The following TMEM184B variants were observed in gnomAD, a reference collection of about 807,000 sequenced individuals.
The protein encoded by TMEM184B is putative MAPK-activating protein FM08.
TMEM184B carries 17 observed loss-of-function variants against 41.8 expected under a neutral mutation model. The observed-to-expected ratio is 0.41, with a 90% CI of 0.28 to 0.61. The LOEUF (loss-of-function observed/expected upper bound fraction) is 0.61. TMEM184B is among the 20% of genes least tolerant of loss of function. The pLI is 0.34. For synonymous variants in TMEM184B, 240 were observed against 229.5 expected (o/e 1.05, Z -0.41); for missense variants, 393 against 557.8 (o/e 0.70, Z 2.98).
chr22:38,227,836 G>A (rs943307202), intron 5 of TMEM184B, among the ~76,000 whole-genome samples: 2 of 152,186 alleles, frequency 1.3e-5, no homozygotes, highest in Non-Finnish European at 2.9e-5. Flanking sequence ...GCTGAGCCAC[G>A]GAAAGAGTTC....
At chr22:38,256,535 C>G (rs559436664) in intron 1 of TMEM184B, among the ~76,000 whole-genome samples, 220 of 152,220 alleles carry the variant, frequency 1.4e-3, no homozygotes, top group East Asian at 3.7e-3. Context: ...GGCCAACAAT[C>G]CTTATTGATT....
At chr22:38,258,943 T>C (rs1215310232) in intron 1 of TMEM184B, among the ~76,000 whole-genome samples, 2 of 152,148 alleles carry the variant, frequency 1.3e-5, no homozygotes, top group African/African-American at 4.8e-5. Context: ...TTTCTATGTT[T>C]ATTTTCAACT....
intron 3 of TMEM184B, among the ~76,000 whole-genome samples, chr22:38,234,537 G>A (rs761729886): frequency 6.6e-6 from 1 of 152,194 alleles, no homozygotes; most frequent in Non-Finnish European, 1.5e-5. Flanking sequence ...TTACACTAGT[G>A]TGTTTTGGCA....
At position 38,220,095 on chromosome 22, in the gene TMEM184B, T is replaced by C. The variant is rs2091218149; in HGVS notation, c.*1374A>G. The C allele has an allele frequency of 1.0e-6, 1 of 985,294 alleles. No individual in the cohort carries two copies. Among genetic ancestry groups the C allele is most frequent in the African/African-American group, 1.7e-5 (1 of 57,216 alleles). The allele number at this position is 985,294 out of a possible 1,614,324, so 61.0% of individuals were successfully genotyped here. ...CCAAACCCAGGGATAATCTGGGTTT[T>C]AAATGCCAGGACACTTTGCCTGTAG... On this transcript the variant is annotated 3_prime_UTR_variant, in exon 9 of 9. Transcript: ENST00000361906.
chr22:38,228,659 C>T (rs933632073), intron 5 of TMEM184B, among the ~76,000 whole-genome samples: 2 of 152,176 alleles, frequency 1.3e-5, no homozygotes, highest in African/African-American at 4.8e-5. Context: ...AGCACTGGCC[C>T]TGAGGAGTCA....
chr22:38,226,651 G>C lies in TMEM184B; in HGVS notation c.617+128C>G. On this transcript the variant is annotated intron_variant, in intron 6 of 8. Transcript: ENST00000361906. The surrounding 1 kb of genome is among the most constrained non-coding windows in gnomAD (Gnocchi z 4.6). ...ACTGCTGGGCTCAGACTTCAGGGGGGTTGTGAGCACCAGACACCCAGGAAG... is the reference window on the plus strand; with the variant it reads ...ACTGCTGGGCTCAGACTTCAGGGGGCTTGTGAGCACCAGACACCCAGGAAG... 3 of 921,858 alleles carry C rather than the reference G, an allele frequency of 3.3e-6. No homozygotes were observed. Among genetic ancestry groups the C allele is most frequent in the Non-Finnish European group, 5.0e-6 (3 of 605,070 alleles). The allele number at this position is 921,858 out of a possible 1,614,324, so 57.1% of individuals were successfully genotyped here.
downstream of TMEM184B, among the ~76,000 whole-genome samples, chr22:38,218,717 AGCAG>A (rs1450152198): frequency 6.6e-6 from 1 of 152,224 alleles, no homozygotes; most frequent in Non-Finnish European, 1.5e-5. Context: ...CGGGAAGGGC[AGCAG>A]GAAGCTGCGG....
rs117719677 is a variant in TMEM184B, at chr22:38,230,236, G to A, written c.525+433C>T. 9.9e-5 allele frequency among the ~76,000 whole-genome samples: 15 copies of A among 151,838 alleles called. No individual in the cohort carries two copies. The East Asian group carries it at 1.7e-3, about 17-fold the overall frequency. ...GGAAGTCAGCCCAGGAAGCTAGAGC[G>A]GCTGGATTGCCAACCAGGAAATGCA... On this transcript the variant is annotated intron_variant, in intron 5 of 8. Coordinates refer to ENST00000361906, the MANE Select transcript of TMEM184B (RefSeq NM_012264.5).
At chr22:38,229,399 G>A (rs979072558) in intron 5 of TMEM184B, among the ~76,000 whole-genome samples, 3 of 152,356 alleles carry the variant, frequency 2.0e-5, no homozygotes, top group African/African-American at 4.8e-5. Flanking sequence ...ACCATCTCTA[G>A]AGAGGAGTAT....
intron 3 of TMEM184B, among the ~76,000 whole-genome samples, chr22:38,244,905 G>A (rs2091990109): frequency 6.6e-6 from 1 of 152,234 alleles, no homozygotes; most frequent in Non-Finnish European, 1.5e-5. Context: ...CAGCATCCTG[G>A]TCTCCTTGTG....
chr22:38,270,232 C>T (rs78421714), intron 1 of TMEM184B, among the ~76,000 whole-genome samples: 216 of 152,330 alleles, frequency 1.4e-3, no homozygotes, highest in African/African-American at 5.0e-3. Flanking sequence ...AGGGCCAAGA[C>T]GACTTCCAGC....
Position 38,226,972 on chromosome 22 carries a change from G to C in TMEM184B, c.526-102C>G, listed in dbSNP as rs2091459861. 1.7e-6 allele frequency: 2 copies of C among 1,189,340 alleles called. No individual in the cohort carries two copies. Among genetic ancestry groups the C allele is most frequent in the Admixed American group, 2.0e-5 (1 of 48,790 alleles). The allele number at this position is 1,189,340 out of a possible 1,614,324, so 73.7% of individuals were successfully genotyped here. A position where few individuals can be genotyped will look rare whatever the true frequency, so the allele number is the denominator to read the frequency against. On this transcript the variant is annotated intron_variant, in intron 5 of 8. Transcript: ENST00000361906. The surrounding 1 kb of genome is among the most constrained non-coding windows in gnomAD (Gnocchi z 4.6). ...GAACTGTACCGGATGGAGGGACAGA[G>C]AGGATGAAGGAGACGGAGAGGACGG...
At position 38,271,709 on chromosome 22, in the gene TMEM184B, C is replaced by T. The variant is rs565377402; in HGVS notation, c.-59+1175G>A. 7.2e-5 allele frequency among the ~76,000 whole-genome samples: 11 copies of T among 152,316 alleles called. No homozygotes were observed. The East Asian group carries it at 1.7e-3, about 24-fold the overall frequency. On this transcript the variant is annotated intron_variant, in intron 1 of 8. Transcript: ENST00000361906. Reference sequence around the variant, plus strand: ...CTTGAGAGCTCCTTGATGGCTTGGGCATCAAATGTTTCTGTCCAGGTGGGC... The same window carrying T: ...CTTGAGAGCTCCTTGATGGCTTGGGTATCAAATGTTTCTGTCCAGGTGGGC...
At chr22:38,252,062 A>ATTT in intron 1 of TMEM184B, among the ~76,000 whole-genome samples, 1 of 142,940 alleles carries the variant, frequency 7.0e-6, no homozygotes, top group African/African-American at 2.6e-5. Context: ...TGTCCAACAA[A>ATTT]TTTTTTTTTT....
intron 3 of TMEM184B, among the ~76,000 whole-genome samples, chr22:38,233,584 A>G (rs2091692055): frequency 6.6e-6 from 1 of 152,184 alleles, no homozygotes; most frequent in Non-Finnish European, 1.5e-5. Context: ...ACCAATCTCC[A>G]GATGACTCTT....
chr22:38,260,030 G>A (rs930974213), intron 1 of TMEM184B, among the ~76,000 whole-genome samples: 7 of 137,330 alleles, frequency 5.1e-5, no homozygotes, highest in East Asian at 2.4e-4. Context: ...TGCAACCTCC[G>A]CCTCCCAGTA....
At position 38,225,383 on chromosome 22, in the gene TMEM184B, G is replaced by A; in HGVS notation, c.787+41C>T. On this transcript the variant is annotated intron_variant, in intron 7 of 8. Coordinates refer to ENST00000361906, the MANE Select transcript of TMEM184B (RefSeq NM_012264.5). This position sits in a 1 kb window ranked among gnomAD's most constrained non-coding sequence, Gnocchi z 4.4. ...GGGGCAGCAGGAAGCGCAGAGGACA[G>A]GGTGGCATGGGCAGCCTCCAGGTGC... 6.5e-7 allele frequency: 1 copy of A among 1,528,880 alleles called. No individual in the cohort carries two copies. The highest frequency in any genetic ancestry group is 8.8e-7 in the Non-Finnish European group (1 of 1,140,902). The allele number at this position is 1,528,880 out of a possible 1,614,324, so 94.7% of individuals were successfully genotyped here.
intron 1 of TMEM184B, among the ~76,000 whole-genome samples, chr22:38,267,373 G>C (rs1253062537): frequency 1.3e-5 from 2 of 151,450 alleles, no homozygotes; most frequent in African/African-American, 4.9e-5. Context: ...CAGACTCAAG[G>C]CTGTTTAGTG....
chr22:38,242,215 C>A (rs113539877), intron 3 of TMEM184B, among the ~76,000 whole-genome samples: 2,498 of 151,838 alleles, frequency 0.016, 82 homozygotes, highest in African/African-American at 0.057. Context: ...CGCCTGTAAT[C>A]CCAGCACTTT....
Sources: allele counts gnomAD v4.1 joint callset (sites outside exome capture counted in the v4.1 genomes callset), GRCh38; gene constraint gnomAD v4.1.1; non-coding constraint Gnocchi (gnomAD v3.1); transcripts MANE v1.5; gene names NCBI Gene and HGNC (gene_info 2026-07-23, HGNC 2026-07-21).